The following DHRSX variants were observed in gnomAD, a reference collection of about 807,000 sequenced individuals.
DHRSX encodes the protein polyprenol dehydrogenase.
In DHRSX, 31 loss-of-function variants were observed where a neutral mutation model predicts 34.0. That is an observed-to-expected ratio of 0.91 (90% confidence interval 0.69 to 1.23). The LOEUF (loss-of-function observed/expected upper bound fraction) is 1.23. DHRSX is among the 50% of genes most tolerant of loss of function. The probability of loss-of-function intolerance (pLI) is 0.00; values close to 1 mark genes in which losing one functional copy is unlikely to be tolerated. For missense variants in DHRSX, 414 were observed against 428.1 expected (o/e 0.97, Z 0.29); for synonymous variants, 201 against 183.8 (o/e 1.09, Z -0.76).
chrX:2,249,264 C>A (rs1205303992), intron 5 of DHRSX, among the ~76,000 whole-genome samples: 1 of 144,420 alleles, frequency 6.9e-6, no homozygotes, highest in African/African-American at 2.6e-5. Context: ...ACAATCCTGG[C>A]TCACTGCAAC....
At chrX:2,232,010 A>C (rs868631141) in intron 6 of DHRSX, among the ~76,000 whole-genome samples, 16 of 86,654 alleles carry the variant, frequency 1.8e-4, no homozygotes, top group South Asian at 3.8e-4. Flanking sequence ...CTCCTCCTTC[A>C]TCTTCTCCTC....
chrX:2,488,427 G>A (rs1389222601), intron 1 of DHRSX: 10 of 593,290 alleles, frequency 1.7e-5, no homozygotes, highest in South Asian at 8.7e-5. Flanking sequence ...TGCCCACCTC[G>A]GCCTCCCAAA....
intron 1 of DHRSX, chrX:2,500,493 G>GC (rs2045392127): frequency 6.4e-6 from 1 of 157,270 alleles, no homozygotes; most frequent in Non-Finnish European, 1.4e-5. Context: ...GCGCGGGGGG[G>GC]CGGCTGCACG....
intron 4 of DHRSX, among the ~76,000 whole-genome samples, chrX:2,286,832 GAAC>G: frequency 6.6e-6 from 1 of 152,254 alleles, no homozygotes; most frequent in South Asian, 2.1e-4. Context: ...GAAAGATGTA[GAAC>G]AAAAAGATAA....
intron 4 of DHRSX, among the ~76,000 whole-genome samples, chrX:2,288,155 G>C (rs1164844214): frequency 2.0e-5 from 3 of 152,056 alleles, no homozygotes; most frequent in Non-Finnish European, 2.9e-5. Context: ...AGATGAGAGA[G>C]AGAAAGAGAG....
intron 3 of DHRSX, among the ~76,000 whole-genome samples, chrX:2,374,495 T>G (rs1687528657): frequency 6.8e-6 from 1 of 147,978 alleles, no homozygotes; most frequent in South Asian, 2.1e-4. Flanking sequence ...TCCCAGCACT[T>G]TGGGAGGCCG....
chrX:2,260,073 G>T (rs2041342098), intron 5 of DHRSX, among the ~76,000 whole-genome samples: 1 of 150,858 alleles, frequency 6.6e-6, no homozygotes, highest in Non-Finnish European at 1.5e-5. Flanking sequence ...GCTCCTGGGG[G>T]CTCCGGGCAT....
intron 1 of DHRSX, among the ~76,000 whole-genome samples, chrX:2,442,218 G>A (rs1306035070): frequency 2.0e-5 from 3 of 151,648 alleles, no homozygotes; most frequent in Non-Finnish European, 4.4e-5. Flanking sequence ...CTCATCGAGT[G>A]GAAGTGGATC....
At chrX:2,298,044 C>A (rs2041955659) in intron 3 of DHRSX, among the ~76,000 whole-genome samples, 1 of 152,184 alleles carries the variant, frequency 6.6e-6, no homozygotes, top group African/African-American at 2.4e-5. Context: ...GCATGAGCTA[C>A]CACGCCTAGC....
intron 1 of DHRSX, among the ~76,000 whole-genome samples, chrX:2,482,725 G>GT (rs1730517938): frequency 2.0e-5 from 3 of 152,318 alleles, no homozygotes; most frequent in Non-Finnish European, 4.4e-5. Flanking sequence ...AAATCCTGCA[G>GT]TAACTGCCTA....
At chrX:2,491,138 C>T (rs1466870593) in intron 1 of DHRSX, among the ~76,000 whole-genome samples, 1 of 145,308 alleles carries the variant, frequency 6.9e-6, no homozygotes, top group Non-Finnish European at 1.5e-5. Flanking sequence ...GGCGTGATCT[C>T]AGCTCACTGC....
chrX:2,488,466 C>A (rs2045009566), intron 1 of DHRSX: 1 of 924,030 alleles, frequency 1.1e-6, no homozygotes, highest in African/African-American at 1.7e-5. Flanking sequence ...GGAGCCACCG[C>A]CCCCGACCCT....
chrX:2,308,933 A>C (rs2042132614), intron 3 of DHRSX, among the ~76,000 whole-genome samples: 1 of 152,116 alleles, frequency 6.6e-6, no homozygotes, highest in South Asian at 2.1e-4. Flanking sequence ...AATACTGTCA[A>C]TAATATATTT....
intron 6 of DHRSX, among the ~76,000 whole-genome samples, chrX:2,229,847 G>A (rs753373577): frequency 6.6e-6 from 1 of 152,262 alleles, no homozygotes; most frequent in East Asian, 1.9e-4. Context: ...GTACTTGAGG[G>A]ATGTGTATTG....
intron 3 of DHRSX, among the ~76,000 whole-genome samples, chrX:2,358,714 T>C (rs999744409): frequency 6.6e-6 from 1 of 152,190 alleles, no homozygotes; most frequent in Admixed American, 6.5e-5. Flanking sequence ...TTAACTAAAT[T>C]GCACAATATT....
At chrX:2,387,189 A>G (rs899454407) in intron 3 of DHRSX, among the ~76,000 whole-genome samples, 3 of 151,708 alleles carry the variant, frequency 2.0e-5, no homozygotes, top group African/African-American at 4.8e-5. Context: ...AATCAACATG[A>G]GTTTGGGCAC....
At chrX:2,395,044 G>C (rs935882804) in intron 3 of DHRSX, among the ~76,000 whole-genome samples, 1 of 152,118 alleles carries the variant, frequency 6.6e-6, no homozygotes, top group Non-Finnish European at 1.5e-5. Context: ...GTGAGGATCA[G>C]TGGTCAGCGT....
intron 1 of DHRSX, among the ~76,000 whole-genome samples, chrX:2,437,692 AGAGAGAGTGT>A (rs1332818216): frequency 1.9e-4 from 15 of 79,600 alleles, no homozygotes; most frequent in African/African-American, 5.4e-4. Context: ...AGAGAGAGAG[AGAGAGAGTGT>A]GTGTGTGTGT....
At chrX:2,478,541 A>G (rs1246805058) in intron 1 of DHRSX, among the ~76,000 whole-genome samples, 1 of 81,172 alleles carries the variant, frequency 1.2e-5, no homozygotes, top group African/African-American at 6.6e-5. Context: ...AGGGACCACC[A>G]GTGTGTACAC....
Sources: allele counts gnomAD v4.1 joint callset (sites outside exome capture counted in the v4.1 genomes callset), GRCh38; gene constraint gnomAD v4.1.1; transcripts MANE v1.5; gene names NCBI Gene and HGNC (gene_info 2026-07-23, HGNC 2026-07-21).